The following MSRA variants were observed in gnomAD, a reference collection of about 807,000 sequenced individuals.
MSRA encodes mitochondrial peptide methionine sulfoxide reductase.
In MSRA, 54 loss-of-function variants were observed where a neutral mutation model predicts 31.3. That is an observed-to-expected ratio of 1.73 (90% CI 1.39 to 2.17). MSRA has a LOEUF of 2.17. MSRA is among the 30% of genes most tolerant of loss of function. MSRA has a pLI of 0.00. For missense variants in MSRA, 507 were observed against 300.9 expected, an observed-to-expected ratio of 1.69 and a Z score of -5.07; for synonymous variants, 169 against 116.5, an observed-to-expected ratio of 1.45 and a Z score of -2.90.
At chr8:10,095,096 C>T (rs1799062966) in intron 1 of MSRA, among the ~76,000 whole-genome samples, 2 of 152,174 alleles carry the variant, frequency 1.3e-5, no homozygotes, top group South Asian at 4.1e-4. Context: ...AATCTGCATG[C>T]CTCCGTTTCT....
At position 10,213,522 on chromosome 8, in the gene MSRA, C is replaced by T. The variant is rs542342937; in HGVS notation, c.211+5621C>T. ...CGCGACCTCGGCTCACTGCAACCTC[C>T]GCCTCCTGAGTTCAAGCAATTCTCC... On this transcript the variant is annotated intron_variant, in intron 2 of 5. Transcript: ENST00000317173. Among the ~76,000 whole-genome samples, 5 of 150,454 alleles carry T rather than the reference C, an allele frequency of 3.3e-5. 1 individual carries two copies. Among genetic ancestry groups the T allele is most frequent in the Admixed American group, 6.6e-5 (1 of 15,084 alleles).
intron 3 of MSRA, among the ~76,000 whole-genome samples, chr8:10,291,925 G>A (rs1800259062): frequency 6.6e-6 from 1 of 152,198 alleles, no homozygotes; most frequent in African/African-American, 2.4e-5. Flanking sequence ...CGTGGCACAA[G>A]GGTTGTTTGT....
At chr8:10,297,053 G>A (rs888411003) in intron 3 of MSRA, among the ~76,000 whole-genome samples, 3 of 152,162 alleles carry the variant, frequency 2.0e-5, no homozygotes, top group Non-Finnish European at 4.4e-5. Flanking sequence ...AGCTGTGCTG[G>A]AGGACTGTAA....
At chr8:10,088,459 G>T (rs1431833590) in intron 1 of MSRA, among the ~76,000 whole-genome samples, 2 of 152,004 alleles carry the variant, frequency 1.3e-5, no homozygotes, top group Non-Finnish European at 2.9e-5. Flanking sequence ...AACTGGCCAG[G>T]CGTGGTGGCT....
At chr8:10,222,191 C>T (rs1433069182) in intron 2 of MSRA, among the ~76,000 whole-genome samples, 1 of 151,892 alleles carries the variant, frequency 6.6e-6, no homozygotes, top group Admixed American at 6.6e-5. Flanking sequence ...TAGTTCAATA[C>T]TTTTGGCTTT....
intron 5 of MSRA, among the ~76,000 whole-genome samples, chr8:10,380,144 C>T (rs180836568): frequency 6.6e-6 from 1 of 152,216 alleles, no homozygotes; most frequent in African/African-American, 2.4e-5. Flanking sequence ...CCCAGGCATA[C>T]CTGAATGGGC....
chr8:10,354,217 G>C (rs1283693716), intron 5 of MSRA, among the ~76,000 whole-genome samples: 1 of 152,212 alleles, frequency 6.6e-6, no homozygotes, highest in Non-Finnish European at 1.5e-5. Context: ...CCACTGTCCA[G>C]TATGTAGACA....
intron 1 of MSRA, among the ~76,000 whole-genome samples, chr8:10,193,480 A>G (rs1393557234): frequency 6.6e-6 from 1 of 152,204 alleles, no homozygotes; most frequent in East Asian, 1.9e-4. Flanking sequence ...AGAATGTGCA[A>G]GTTTTTATTG....
At chr8:10,301,441 CA>C in intron 3 of MSRA, 92 bp from the exon 4 acceptor site, 1 of 917,418 alleles carries the variant, frequency 1.1e-6, no homozygotes, top group Non-Finnish European at 1.7e-6. Flanking sequence ...GGTAGAGTTT[CA>C]GCTTTTGTCT....
chr8:10,181,926 G>A (rs894456184), intron 1 of MSRA, among the ~76,000 whole-genome samples: 2 of 152,160 alleles, frequency 1.3e-5, no homozygotes, highest in African/African-American at 4.8e-5. Context: ...GTGCATTTTG[G>A]GTGAGTGGGG....
At chr8:10,288,139 A>G (rs369145144) in intron 3 of MSRA, among the ~76,000 whole-genome samples, 20 of 152,326 alleles carry the variant, frequency 1.3e-4, no homozygotes, top group Middle Eastern at 3.4e-3. Flanking sequence ...TTTTGATTGT[A>G]CTGATATTTG....
At chr8:10,163,917 G>A (rs918887102) in intron 1 of MSRA, among the ~76,000 whole-genome samples, 5 of 152,220 alleles carry the variant, frequency 3.3e-5, no homozygotes, top group African/African-American at 9.6e-5. Context: ...AACATGCTAC[G>A]TGTCATCTAG....
chr8:10,228,829 T>C (rs1437702355), intron 2 of MSRA, among the ~76,000 whole-genome samples: 2 of 152,202 alleles, frequency 1.3e-5, no homozygotes, highest in Non-Finnish European at 2.9e-5. Context: ...TATCAGTGTG[T>C]GGCTCACAGC....
At chr8:10,228,677 A>G (rs1224983288) in intron 2 of MSRA, among the ~76,000 whole-genome samples, 2 of 152,118 alleles carry the variant, frequency 1.3e-5, no homozygotes, top group Non-Finnish European at 2.9e-5. Flanking sequence ...GCCTTCCTTC[A>G]TGGGAATCCA....
chr8:10,197,604 G>A (rs528515333), intron 1 of MSRA, among the ~76,000 whole-genome samples: 1 of 152,190 alleles, frequency 6.6e-6, no homozygotes, highest in East Asian at 1.9e-4. Context: ...CATTCTAACT[G>A]TGATGGGGTT....
intron 3 of MSRA, among the ~76,000 whole-genome samples, chr8:10,291,458 C>T (rs992810092): frequency 6.6e-6 from 1 of 151,888 alleles, no homozygotes; most frequent in African/African-American, 2.4e-5. Flanking sequence ...ATAGACACTC[C>T]TCAAATCCTA....
intron 1 of MSRA, among the ~76,000 whole-genome samples, chr8:10,108,766 C>G (rs189943892): frequency 6.6e-6 from 1 of 152,066 alleles, no homozygotes; most frequent in Non-Finnish European, 1.5e-5. Context: ...TTTAAACAAA[C>G]TAATGACTGG....
chr8:10,235,656 A>G (rs1468906286), intron 2 of MSRA, among the ~76,000 whole-genome samples: 2 of 152,236 alleles, frequency 1.3e-5, no homozygotes, highest in Admixed American at 6.5e-5. Context: ...ATACATGACA[A>G]TGAAACAAAG....
rs758680284 is a variant in MSRA at position 10,380,418 on chromosome 8, G to A, written c.544-47730G>A. On this transcript the variant is annotated intron_variant, in intron 5 of 5. Coordinates refer to ENST00000317173, the MANE Select transcript of MSRA (RefSeq NM_012331.5). The stretch of plus-strand genomic sequence containing the variant: ...GGAGCCATGGCGCTGAAGGCTCATC[G>A]TTTTTGAGAGCATCATTGCAATTCA... 6.6e-5 allele frequency among the ~76,000 whole-genome samples: 10 copies of A among 152,286 alleles called. 1 individual carries two copies. Among genetic ancestry groups the A allele is most frequent in the Admixed American group, 2.0e-4 (3 of 15,302 alleles).
Sources: allele counts gnomAD v4.1 joint callset (sites outside exome capture counted in the v4.1 genomes callset), GRCh38; gene constraint gnomAD v4.1.1; transcripts MANE v1.5; gene names NCBI Gene and HGNC (gene_info 2026-07-23, HGNC 2026-07-21).